Variants in CCNA2 observed in about 807,000 individuals in gnomAD.
CCNA2 encodes cyclin-A2.
CCNA2 carries 3 observed loss-of-function variants against 49.4 expected under a neutral mutation model. The ratio of observed to expected loss-of-function variants is 0.06; its 90% CI spans 0.03 to 0.16. The LOEUF is 0.16. Ranked by LOEUF, CCNA2 falls within the 10% of genes least tolerant of loss-of-function variation. The probability of loss-of-function intolerance (pLI) is 1.00; values close to 1 mark genes in which losing one functional copy is unlikely to be tolerated. For missense variants in CCNA2, 372 were observed against 519.7 expected (o/e 0.72, Z 2.76); for synonymous variants, 206 against 197.2 (o/e 1.04, Z -0.37).
At chr4:121,819,129 ACT>A (rs1724628728) in intron 5 of CCNA2, among the ~76,000 whole-genome samples, 1 of 151,948 alleles carries the variant, frequency 6.6e-6, no homozygotes. Flanking sequence ...TTAAAAAACA[ACT>A]CTTCTGACTA....
Position 121,817,152 on chromosome 4 carries a change from T to G in CCNA2, c.*486A>C. ...AAAAGTCTGGGGAATCTCTACTGTA[T>G]CTATCTCTGAATACTGTATTCAGAT... On this transcript the variant is annotated 3_prime_UTR_variant, in exon 8 of 8. Transcript: ENST00000274026. 1 of 308,332 alleles carries G rather than the reference T, an allele frequency of 3.2e-6. No homozygotes were observed. Among genetic ancestry groups the G allele is most frequent in the South Asian group, 4.9e-5 (1 of 20,256 alleles). 19.1% of individuals were successfully genotyped at this position (308,332 alleles called of 1,614,324 possible).
intron 4 of CCNA2, among the ~76,000 whole-genome samples, 200 bp from the exon 5 acceptor site, chr4:121,819,779 G>A (rs1008463769): frequency 6.6e-6 from 1 of 152,074 alleles, no homozygotes; most frequent in African/African-American, 2.4e-5. Context: ...AAGGACTTTT[G>A]AGATATTTTC....
chr4:121,817,459 A>T lies in CCNA2; in HGVS notation c.*179T>A. 1.6e-6 allele frequency: 1 copy of T among 631,506 alleles called. No homozygotes were observed. The highest frequency in any genetic ancestry group is 2.6e-6 in the Non-Finnish European group (1 of 389,218). The allele number at this position is 631,506 out of a possible 1,614,324, so 39.1% of individuals were successfully genotyped here. A position where few individuals can be genotyped will look rare whatever the true frequency, so the allele number is the denominator to read the frequency against. On this transcript the variant is annotated 3_prime_UTR_variant, in exon 8 of 8. Coordinates refer to ENST00000274026, the MANE Select transcript of CCNA2 (RefSeq NM_001237.5). ...AAAATTAGCCAAATATCTAAGACAG[A>T]TACATATACAAAAGATATACAAATT...
chr4:121,816,448 G>A lies in CCNA2; in HGVS notation c.*1190C>T. 6.4e-7 allele frequency: 1 copy of A among 1,555,206 alleles called. No individual in the cohort carries two copies. Among genetic ancestry groups the A allele is most frequent in the Non-Finnish European group, 8.7e-7 (1 of 1,145,938 alleles). On this transcript the variant is annotated 3_prime_UTR_variant, in exon 8 of 8. Coordinates refer to ENST00000274026, the MANE Select transcript of CCNA2 (RefSeq NM_001237.5). The stretch of plus-strand genomic sequence containing the variant: ...CAGACAAGAATCCAAAGAAAATAAG[G>A]TAACAAATTTCTGGTTTATTTCAAA...
Position 121,823,853 on chromosome 4 carries a change from A to G in CCNA2, c.-225T>C. On this transcript the variant is annotated 5_prime_UTR_variant, in exon 1 of 8. Transcript: ENST00000274026. ...GGCACTGCCCAGCGTGGCGAGCCAA[A>G]GACGCCCAGAGATGCAGCGAGCAGC... is the stretch of plus-strand genomic sequence containing the variant. The G allele has an allele frequency of 1.4e-6, 1 of 712,432 alleles. No individual in the cohort carries two copies. The highest frequency in any genetic ancestry group is 2.3e-5 in the South Asian group (1 of 44,098). The allele number at this position is 712,432 out of a possible 1,614,324, so 44.1% of individuals were successfully genotyped here.
chr4:121,816,566 A>G lies in CCNA2; in HGVS notation c.*1072T>C. Reference sequence around the variant, plus strand: ...ATAAACAAAAAGACATCCCTTTTTCATTAGAGATCCATCTGTTCTGTGATT... The same window carrying G: ...ATAAACAAAAAGACATCCCTTTTTCGTTAGAGATCCATCTGTTCTGTGATT... On this transcript the variant is annotated 3_prime_UTR_variant, in exon 8 of 8. Transcript: ENST00000274026. 2.5e-6 allele frequency: 2 copies of G among 814,518 alleles called. No individual in the cohort carries two copies. The highest frequency in any genetic ancestry group is 3.8e-6 in the Non-Finnish European group (2 of 529,254). The allele number at this position is 814,518 out of a possible 1,614,324, so 50.5% of individuals were successfully genotyped here.
At chr4:121,817,951 G>T in intron 7 of CCNA2, 93 bp downstream of exon 7, 1 of 1,264,550 alleles carries the variant, frequency 7.9e-7, no homozygotes, top group Non-Finnish European at 1.1e-6. Context: ...TTCTCAAGGA[G>T]GCTATGGCAG....
rs1371443635 is a variant in CCNA2 at position 121,819,315 on chromosome 4, G to A, written c.1002+57C>T. The A allele has an allele frequency of 6.7e-6, 9 of 1,335,548 alleles. No individual in the cohort carries two copies. The East Asian group carries it at 1.4e-4, about 20-fold the overall frequency. 82.7% of individuals were successfully genotyped at this position (1,335,548 alleles called of 1,614,324 possible). A position where few individuals can be genotyped will look rare whatever the true frequency, so the allele number is the denominator to read the frequency against. On this transcript the variant is annotated intron_variant, in intron 5 of 7. Coordinates refer to ENST00000274026, the MANE Select transcript of CCNA2 (RefSeq NM_001237.5). ...TAGGTTCCTTTACAAAGGAATTAGG[G>A]CTTACCCCTAATTATTACCAAAGAA...
Position 121,823,751 on chromosome 4 carries a change from C to T in CCNA2, c.-123G>A, listed in dbSNP as rs1301273954. 1 of 1,427,672 alleles carries T rather than the reference C, an allele frequency of 7.0e-7. No homozygotes were observed. The highest frequency in any genetic ancestry group is 9.1e-7 in the Non-Finnish European group (1 of 1,094,630). The allele number at this position is 1,427,672 out of a possible 1,614,324, so 88.4% of individuals were successfully genotyped here. ...TCGTAGCCGCCGGTCGCAGCCCAGG[C>T]CAGCCTACCAGCCCGCCCGCTCGCT... On this transcript the variant is annotated 5_prime_UTR_variant, in exon 1 of 8. Coordinates refer to ENST00000274026, the MANE Select transcript of CCNA2 (RefSeq NM_001237.5).
At chr4:121,821,206 T>C (rs1397498065) in intron 2 of CCNA2, 115 bp from the exon 3 acceptor site, 11 of 1,252,924 alleles carry the variant, frequency 8.8e-6, no homozygotes, top group African/African-American at 1.5e-5. Context: ...TTCTTCAAAC[T>C]AAAAAGAGCT....
At chr4:121,819,059 A>G (rs901557347) in intron 5 of CCNA2, 146 bp from the exon 6 acceptor site, 47 of 624,994 alleles carry the variant, frequency 7.5e-5, no homozygotes, top group Non-Finnish European at 1.1e-4. Flanking sequence ...CTTTAAACAT[A>G]TCAATCATTT....
In CCNA2 at chr4:121,817,044, A is replaced by T. The variant is rs556706240; in HGVS notation, c.*594T>A. 6 of 589,152 alleles carry T rather than the reference A, an allele frequency of 1.0e-5. No homozygotes were observed. Among genetic ancestry groups the T allele is most frequent in the Non-Finnish European group, 1.7e-5 (6 of 355,246 alleles). 36.5% of individuals were successfully genotyped at this position (589,152 alleles called of 1,614,324 possible). ...GCATTTCTCGTCTGTTAATTTGCAT[A>T]TAAGCTTCCCACCCTCTTCCACTCC... On this transcript the variant is annotated 3_prime_UTR_variant, in exon 8 of 8. Coordinates refer to ENST00000274026, the MANE Select transcript of CCNA2 (RefSeq NM_001237.5).
At position 121,817,408 on chromosome 4, in the gene CCNA2, T is replaced by A; in HGVS notation, c.*230A>T. Reference sequence around the variant, plus strand: ...CAATTTATTATCCTGACAGCTGGCATCATTAATACTTTAACAAAACCACTT... The same window carrying A: ...CAATTTATTATCCTGACAGCTGGCAACATTAATACTTTAACAAAACCACTT... On this transcript the variant is annotated 3_prime_UTR_variant, in exon 8 of 8. Coordinates refer to ENST00000274026, the MANE Select transcript of CCNA2 (RefSeq NM_001237.5). The A allele has an allele frequency of 2.4e-6, 1 of 416,104 alleles. No individual in the cohort carries two copies. Among genetic ancestry groups the A allele is most frequent in the East Asian group, 3.8e-5 (1 of 26,150 alleles). The allele number at this position is 416,104 out of a possible 1,614,324, so 25.8% of individuals were successfully genotyped here.
In CCNA2 at chr4:121,816,999, A is replaced by C. The variant is rs1724546156; in HGVS notation, c.*639T>G. On this transcript the variant is annotated 3_prime_UTR_variant, in exon 8 of 8. Coordinates refer to ENST00000274026, the MANE Select transcript of CCNA2 (RefSeq NM_001237.5). ...TAGTTTTTTGTTTTTAATGTGCTTT[A>C]AAATAATAAACCTTCTGGAGCATTT... The C allele has an allele frequency of 4.9e-6, 4 of 812,830 alleles. No individual in the cohort carries two copies. In the South Asian group the frequency reaches 9.7e-5, roughly 20 times the overall value. The allele number at this position is 812,830 out of a possible 1,614,324, so 50.4% of individuals were successfully genotyped here. A position where few individuals can be genotyped will look rare whatever the true frequency, so the allele number is the denominator to read the frequency against.
chr4:121,823,845 C>G lies in CCNA2; in HGVS notation c.-217G>C. 2 of 825,504 alleles carry G rather than the reference C, an allele frequency of 2.4e-6. No homozygotes were observed. Among genetic ancestry groups the G allele is most frequent in the Non-Finnish European group, 3.5e-6 (2 of 569,450 alleles). The allele number at this position is 825,504 out of a possible 1,614,324, so 51.1% of individuals were successfully genotyped here. ...CGCAGGCAGGCACTGCCCAGCGTGG[C>G]GAGCCAAAGACGCCCAGAGATGCAG... is the stretch of plus-strand genomic sequence containing the variant. On this transcript the variant is annotated 5_prime_UTR_variant, in exon 1 of 8. Transcript: ENST00000274026.
At position 121,823,595 on chromosome 4, in the gene CCNA2, G is replaced by A; in HGVS notation, c.34C>T (p.Arg12Cys). 6.2e-6 allele frequency: 10 copies of A among 1,603,918 alleles called. No homozygotes were observed. Among genetic ancestry groups the A allele is most frequent in the Non-Finnish European group, 6.8e-6 (8 of 1,177,434 alleles). Residue 12 changes from arginine to cysteine, a missense_variant, in exon 1 of 8, where the codon CGC becomes TGC. Physicochemically the swap from Arg to Cys is radical, Grantham distance 180. Transcript: ENST00000274026. The part of the protein sequence containing the change: ...LGNSAPGPAT[R>C]EAGSALLALQ... The stretch of plus-strand genomic sequence containing the variant: ...GCTAGCAGCGCCGAGCCCGCCTCGC[G>A]GGTCGCAGGCCCCGGCGCAGAGTTG...
rs1424613402 is a variant in CCNA2, at chr4:121,823,867, G to A, written c.-239C>T. 5 of 619,646 alleles carry A rather than the reference G, an allele frequency of 8.1e-6. No homozygotes were observed. In the Admixed American group the frequency reaches 1.5e-4, roughly 18 times the overall value. 38.4% of individuals were successfully genotyped at this position (619,646 alleles called of 1,614,324 possible). ...TGGCGAGCCAAAGACGCCCAGAGAT[G>A]CAGCGAGCAGCCCGCCGGAGCGGCG... On this transcript the variant is annotated 5_prime_UTR_variant, in exon 1 of 8. Transcript: ENST00000274026.
At position 121,820,152 on chromosome 4, in the gene CCNA2, G is replaced by A. The variant is rs1724656167; in HGVS notation, c.794+390C>T. 6.6e-6 allele frequency among the ~76,000 whole-genome samples: 1 copy of A among 151,992 alleles called. No individual in the cohort carries two copies. The highest frequency in any genetic ancestry group is 2.4e-5 in the African/African-American group (1 of 41,398). ...GACAGGGTTTCGCCATGATGGCCAG[G>A]CTGGTCTCAAACTCCTGACCTCAAG... On this transcript the variant is annotated intron_variant, in intron 4 of 7. Transcript: ENST00000274026. The surrounding 1 kb of genome is among the most constrained non-coding windows in gnomAD (Gnocchi z 4.1).
chr4:121,822,967 A>C (rs1239683556), intron 1 of CCNA2, among the ~76,000 whole-genome samples: 1 of 152,196 alleles, frequency 6.6e-6, no homozygotes, highest in Admixed American at 6.5e-5. Context: ...CCGAGGGTGG[A>C]GCAACAGAGC....
Sources: allele counts gnomAD v4.1 joint callset (sites outside exome capture counted in the v4.1 genomes callset), GRCh38; gene constraint gnomAD v4.1.1; non-coding constraint Gnocchi (gnomAD v3.1); transcripts MANE v1.5; gene names NCBI Gene and HGNC (gene_info 2026-07-23, HGNC 2026-07-21).